Variants in NRXN3 observed in about 807,000 individuals in gnomAD.
The protein encoded by NRXN3 is neurexin III.
A neutral mutation model predicts 137.6 loss-of-function variants in NRXN3; 32 were observed. The observed-to-expected ratio is 0.23, with a 90% CI of 0.18 to 0.31. NRXN3 has a LOEUF of 0.31. Among genes scored for constraint, NRXN3 ranks in the 10% least tolerant of loss-of-function variants. NRXN3 has a pLI of 1.00. For synonymous variants in NRXN3, 798 were observed against 784.5 expected (o/e 1.02, Z -0.29); for missense variants, 1,574 against 2,062.5 (o/e 0.76, Z 4.59).
chr14:78,565,701 G>A (rs912209470), intron 4 of NRXN3, among the ~76,000 whole-genome samples: 1 of 152,130 alleles, frequency 6.6e-6, no homozygotes, highest in African/African-American at 2.4e-5. Flanking sequence ...TGAATGTCAG[G>A]AATTAGGCAG....
intron 16 of NRXN3, among the ~76,000 whole-genome samples, chr14:79,518,810 C>T (rs555881842): frequency 6.6e-6 from 1 of 152,230 alleles, no homozygotes; most frequent in Admixed American, 6.5e-5. Context: ...TTTCCACAAT[C>T]ATTATGAGCC....
intron 1 of NRXN3, among the ~76,000 whole-genome samples, chr14:78,225,095 A>G (rs1395569638): frequency 6.6e-6 from 1 of 152,192 alleles, no homozygotes. Context: ...CATGATTTAT[A>G]GTCTTTTGGG....
Position 79,567,489 on chromosome 14 carries a change from A to G in NRXN3, c.3445-96289A>G, listed in dbSNP as rs2097561246. Among the ~76,000 whole-genome samples the G allele has an allele frequency of 2.0e-5, 3 of 151,980 alleles. No homozygotes were observed. The South Asian group carries it at 6.2e-4, about 32-fold the overall frequency. On this transcript the variant is annotated intron_variant, in intron 16 of 20. Coordinates refer to ENST00000335750, the MANE Select transcript of NRXN3 (RefSeq NM_001330195.2). ...GGTGATGTTAGCCCTTATGTCCTGGACATGATCCAGTTTAGGTAATTGCTA... is the reference window on the plus strand; with the variant it reads ...GGTGATGTTAGCCCTTATGTCCTGGGCATGATCCAGTTTAGGTAATTGCTA...
At chr14:78,869,077 AG>A (rs1378092358) in intron 10 of NRXN3, among the ~76,000 whole-genome samples, 1 of 152,150 alleles carries the variant, frequency 6.6e-6, no homozygotes, top group Non-Finnish European at 1.5e-5. Context: ...ATGGATAAGA[AG>A]CTATGAAAAT....
chr14:78,719,176 A>C (rs2098447804), intron 8 of NRXN3, among the ~76,000 whole-genome samples: 1 of 152,242 alleles, frequency 6.6e-6, no homozygotes, highest in South Asian at 2.1e-4. Context: ...TTCTAAACAT[A>C]TCCTGGCATT....
intron 10 of NRXN3, among the ~76,000 whole-genome samples, chr14:78,906,790 A>G (rs112868142): frequency 6.6e-6 from 1 of 151,934 alleles, no homozygotes; most frequent in Non-Finnish European, 1.5e-5. Flanking sequence ...GCTGGGGCCT[A>G]GGTAGATTCA....
At chr14:78,649,160 G>A (rs2097714809) in intron 5 of NRXN3, 7 of 647,588 alleles carry the variant, frequency 1.1e-5, no homozygotes, top group Non-Finnish European at 9.8e-6. Flanking sequence ...TTTACTAACC[G>A]ACTAATGTAC....
intron 16 of NRXN3, among the ~76,000 whole-genome samples, chr14:79,484,792 C>T (rs2096640389): frequency 6.6e-6 from 1 of 152,166 alleles, no homozygotes; most frequent in Non-Finnish European, 1.5e-5. Context: ...TTGACTTTTA[C>T]ATTAGTATCT....
intron 15 of NRXN3, among the ~76,000 whole-genome samples, chr14:79,081,244 G>A (rs1205322827): frequency 6.6e-6 from 1 of 152,178 alleles, no homozygotes; most frequent in East Asian, 1.9e-4. Flanking sequence ...AATCCCAAGT[G>A]GTTAACATTT....
intron 16 of NRXN3, among the ~76,000 whole-genome samples, chr14:79,541,764 C>T (rs897084321): frequency 2.0e-5 from 3 of 152,162 alleles, no homozygotes; most frequent in African/African-American, 7.2e-5. Flanking sequence ...CAGAAACCCA[C>T]CTGTAGCTGA....
At chr14:78,730,736 G>T (rs2098511181) in intron 8 of NRXN3, among the ~76,000 whole-genome samples, 1 of 152,172 alleles carries the variant, frequency 6.6e-6, no homozygotes, top group South Asian at 2.1e-4. Flanking sequence ...GTCTTAGCAA[G>T]ACAAAACAAT....
In NRXN3 at chr14:78,521,793, A is replaced by T. The variant is rs78764733; in HGVS notation, c.758-123327A>T. On this transcript the variant is annotated intron_variant, in intron 4 of 20. Coordinates refer to ENST00000335750, the MANE Select transcript of NRXN3 (RefSeq NM_001330195.2). ...TTATCTGTATATCCTGATGAAATTTAAAAAAAACCCCATGGAATATATGTT... is the reference window on the plus strand; with the variant it reads ...TTATCTGTATATCCTGATGAAATTTTAAAAAAACCCCATGGAATATATGTT... Among the ~76,000 whole-genome samples, 1,069 of 152,056 alleles carry T rather than the reference A, an allele frequency of 7.0e-3. 67 individuals carry two copies. The East Asian group carries it at 0.15, about 22-fold the overall frequency.
chr14:78,926,860 TAA>T (rs1491149241), intron 10 of NRXN3, among the ~76,000 whole-genome samples: 1 of 23,658 alleles, frequency 4.2e-5, no homozygotes, highest in Non-Finnish European at 6.0e-5. Flanking sequence ...ATTATATATA[TAA>T]TATATATATA....
At chr14:79,555,364 T>A (rs913367875) in intron 16 of NRXN3, among the ~76,000 whole-genome samples, 2 of 152,128 alleles carry the variant, frequency 1.3e-5, no homozygotes, top group African/African-American at 4.8e-5. Context: ...CACTACTTGG[T>A]GTTTTATCCT....
At chr14:79,533,403 T>A (rs1410174490) in intron 16 of NRXN3, among the ~76,000 whole-genome samples, 3 of 152,162 alleles carry the variant, frequency 2.0e-5, no homozygotes, top group Non-Finnish European at 4.4e-5. Context: ...TGCCAAAAAT[T>A]ACTTCAAAGA....
intron 16 of NRXN3, among the ~76,000 whole-genome samples, chr14:79,565,749 A>G (rs184480228): frequency 6.6e-6 from 1 of 152,122 alleles, no homozygotes; most frequent in South Asian, 2.1e-4. Flanking sequence ...TACAGGGAAT[A>G]AAGCTAAGCA....
At chr14:79,417,867 C>G (rs923618786) in intron 15 of NRXN3, among the ~76,000 whole-genome samples, 3 of 151,798 alleles carry the variant, frequency 2.0e-5, no homozygotes, top group Non-Finnish European at 4.4e-5. Context: ...TGATTAGAAG[C>G]CTTATTTTTT....
intron 1 of NRXN3, among the ~76,000 whole-genome samples, chr14:78,215,779 G>GGA (rs368563932): frequency 4.9e-5 from 6 of 123,494 alleles, no homozygotes; most frequent in Non-Finnish European, 8.4e-5. Flanking sequence ...GGTGGGGGGG[G>GGA]CAGGGGTTAG....
Position 78,806,338 on chromosome 14 carries a change from C to T in NRXN3, c.2248+2515C>T, listed in dbSNP as rs556795725. Among the ~76,000 whole-genome samples, 6 of 152,250 alleles carry T rather than the reference C, an allele frequency of 3.9e-5. No homozygotes were observed. In the South Asian group the frequency reaches 1.2e-3, roughly 32 times the overall value. ...CTTGTTTAAAGGTTTTCCTTCCGTT[C>T]CCTCCCCAAAATATACCCCTTTGCA... On this transcript the variant is annotated intron_variant, in intron 9 of 20. Transcript: ENST00000335750.
Sources: gnomAD v4.1 joint callset for allele counts (sites outside exome capture counted in the v4.1 genomes callset) on GRCh38, gnomAD v4.1.1 for gene constraint, MANE v1.5 for transcripts, NCBI Gene and HGNC (gene_info 2026-07-23, HGNC 2026-07-21) for gene names.